SPMAP2L: variants seen among roughly 807,000 people sequenced by gnomAD.
The protein encoded by SPMAP2L is sperm microtubule associated protein 2 like.
the SPMAP2L span, among the ~76,000 whole-genome samples, chr4:56,617,143 T>G: frequency 6.6e-6 from 1 of 152,178 alleles, no homozygotes; most frequent in Non-Finnish European, 1.5e-5. Context: ...AGAGTGTACT[T>G]GCGCAAACCT....
chr4:56,604,699 T>A, the SPMAP2L span, among the ~76,000 whole-genome samples: 1 of 151,594 alleles, frequency 6.6e-6, no homozygotes, highest in East Asian at 1.9e-4. Flanking sequence ...TTTAGCTGTG[T>A]TTCACATGTT....
chr4:56,593,559 T>C, the SPMAP2L span: 4 of 1,601,884 alleles, frequency 2.5e-6, no homozygotes, highest in African/African-American at 1.3e-5. Context: ...GCTTTGTGCA[T>C]CTTGAGGCCA....
chr4:56,562,784 G>A, the SPMAP2L span, among the ~76,000 whole-genome samples: 24 of 15,654 alleles, frequency 1.5e-3, no homozygotes, highest in African/African-American at 5.2e-3. Context: ...TATTTTCTTC[G>A]TCTTTTTTTT....
chr4:56,563,121 C>T, the SPMAP2L span, among the ~76,000 whole-genome samples: 7 of 99,064 alleles, frequency 7.1e-5, no homozygotes, highest in Non-Finnish European at 1.3e-4. Context: ...GAGACAGGGC[C>T]TCACTCTGTC....
the SPMAP2L span, among the ~76,000 whole-genome samples, chr4:56,610,175 G>A: frequency 2.0e-5 from 3 of 152,106 alleles, no homozygotes; most frequent in Admixed American, 1.3e-4. Context: ...AAATCTGGAG[G>A]TATCACATTA....
the SPMAP2L span, among the ~76,000 whole-genome samples, chr4:56,567,745 AGACTTT>A: frequency 6.6e-6 from 1 of 152,070 alleles, no homozygotes; most frequent in South Asian, 2.1e-4. Flanking sequence ...ATTTCTGATG[AGACTTT>A]GACTGTTATT....
the SPMAP2L span, among the ~76,000 whole-genome samples, chr4:56,533,603 TC>T: frequency 6.6e-6 from 1 of 152,110 alleles, no homozygotes; most frequent in Non-Finnish European, 1.5e-5. Flanking sequence ...AGCCTCTCTC[TC>T]CTGCATCATT....
chr4:56,555,162 C>G, the SPMAP2L span, among the ~76,000 whole-genome samples: 8 of 152,218 alleles, frequency 5.3e-5, no homozygotes, highest in African/African-American at 1.9e-4. Flanking sequence ...TGGTCTCGAA[C>G]TCCTGACCTC....
At chr4:56,583,491 C>CA in the SPMAP2L span, among the ~76,000 whole-genome samples, 1 of 151,968 alleles carries the variant, frequency 6.6e-6, no homozygotes, top group Non-Finnish European at 1.5e-5. Context: ...AGCAAAAAAA[C>CA]AAAACCCAAA....
the SPMAP2L span, among the ~76,000 whole-genome samples, chr4:56,555,114 T>C: frequency 6.6e-6 from 1 of 151,856 alleles, no homozygotes; most frequent in East Asian, 1.9e-4. Flanking sequence ...TAATTTTGTA[T>C]TTTTAGTAGA....
chr4:56,604,429 G>T, the SPMAP2L span, among the ~76,000 whole-genome samples: 52 of 152,256 alleles, frequency 3.4e-4, no homozygotes, highest in African/African-American at 1.2e-3. Flanking sequence ...GGAGGCCGAG[G>T]CAGATGGATC....
At chr4:56,569,566 T>A in the SPMAP2L span, among the ~76,000 whole-genome samples, 3 of 152,148 alleles carry the variant, frequency 2.0e-5, no homozygotes, top group South Asian at 2.1e-4. Context: ...TCCCAGTACT[T>A]TGGGAAGCCC....
the SPMAP2L span, among the ~76,000 whole-genome samples, chr4:56,613,350 C>T: frequency 1.3e-5 from 2 of 152,020 alleles, no homozygotes; most frequent in Non-Finnish European, 2.9e-5. Flanking sequence ...TGCTGGGCAC[C>T]CTGGGTAGGA....
chr4:56,606,077 G>C, the SPMAP2L span, among the ~76,000 whole-genome samples: 1 of 152,138 alleles, frequency 6.6e-6, no homozygotes, highest in African/African-American at 2.4e-5. Flanking sequence ...AGAATTTTGA[G>C]CATTAGCCGT....
the SPMAP2L span, among the ~76,000 whole-genome samples, chr4:56,575,820 G>T: frequency 1.3e-5 from 2 of 152,156 alleles, no homozygotes; most frequent in Non-Finnish European, 2.9e-5. Flanking sequence ...TTCATCTTCG[G>T]TAATTACATT....
At chr4:56,585,829 T>G in the SPMAP2L span, among the ~76,000 whole-genome samples, 1 of 152,196 alleles carries the variant, frequency 6.6e-6, no homozygotes, top group Non-Finnish European at 1.5e-5. Context: ...ACAGTGTATT[T>G]TTTTTCACCA....
chr4:56,593,163 C>G, the SPMAP2L span: 3 of 1,560,180 alleles, frequency 1.9e-6, no homozygotes, highest in East Asian at 6.7e-5. Context: ...CCTGAGGTGT[C>G]TCAGGGGAGG....
the SPMAP2L span, among the ~76,000 whole-genome samples, chr4:56,533,811 G>A: frequency 2.0e-5 from 3 of 150,834 alleles, no homozygotes; most frequent in Non-Finnish European, 4.4e-5. Flanking sequence ...TATTAACCAC[G>A]CATGGTGGCA....
the SPMAP2L span, among the ~76,000 whole-genome samples, chr4:56,543,241 A>G: frequency 2.0e-5 from 3 of 151,536 alleles, no homozygotes; most frequent in Non-Finnish European, 2.9e-5. Flanking sequence ...CCGCCACCAC[A>G]CCAGGCTAAT....
Sources: allele counts gnomAD v4.1 joint callset (sites outside exome capture counted in the v4.1 genomes callset), GRCh38; gene constraint gnomAD v4.1.1; transcripts MANE v1.5; gene names NCBI Gene and HGNC (gene_info 2026-07-23, HGNC 2026-07-21).